Variants in MFSD2B observed in about 807,000 individuals in gnomAD.
The protein encoded by MFSD2B is sphingosine-1-phosphate transporter MFSD2B.
In MFSD2B, 56 loss-of-function variants were observed where a neutral mutation model predicts 58.4. The ratio of observed to expected loss-of-function variants is 0.96; its 90% CI spans 0.77 to 1.20. MFSD2B has a LOEUF of 1.20. MFSD2B is among the 50% of genes most tolerant of loss of function. MFSD2B has a pLI of 0.00. For synonymous variants in MFSD2B, 287 were observed against 294.4 expected, an observed-to-expected ratio of 0.97 and a Z score of 0.26; for missense variants, 645 against 667.6, an observed-to-expected ratio of 0.97 and a Z score of 0.37.
Position 24,023,657 on chromosome 2 carries a change from ACTC to A in MFSD2B, c.1250_1252del (p.Ser417del), listed in dbSNP as rs1662881675. ...GGGCCAGGCCTGGAGACCATCTTCTACTCCTCCTACGTCTTCTTCACCAAGCTG... is the reference window on the plus strand; with the variant it reads ...GGGCCAGGCCTGGAGACCATCTTCTACTCCTACGTCTTCTTCACCAAGCTG... On this transcript the variant is annotated inframe_deletion, in exon 12 of 14. Transcript: ENST00000338315. This position sits in a 1 kb window ranked among gnomAD's most constrained non-coding sequence, Gnocchi z 5.0. 1.2e-6 allele frequency: 2 copies of A among 1,613,600 alleles called. No homozygotes were observed. Among genetic ancestry groups the A allele is most frequent in the Non-Finnish European group, 1.7e-6 (2 of 1,179,772 alleles).
In MFSD2B at chr2:24,024,371, C is replaced by T; in HGVS notation, c.1490+100C>T. The T allele has an allele frequency of 7.9e-7, 1 of 1,261,614 alleles. No individual in the cohort carries two copies. The highest frequency in any genetic ancestry group is 2.5e-5 in the East Asian group (1 of 39,342). The allele number at this position is 1,261,614 out of a possible 1,614,324, so 78.2% of individuals were successfully genotyped here. A position where few individuals can be genotyped will look rare whatever the true frequency, so the allele number is the denominator to read the frequency against. ...AGACATCCCTGCTGTGTCACACAGT[C>T]CTGCCTCTGGGACCTCTTTCCTTAG... On this transcript the variant is annotated intron_variant, in intron 13 of 13. Coordinates refer to ENST00000338315, the MANE Select transcript of MFSD2B (RefSeq NM_001346880.2). The surrounding 1 kb of genome is among the most constrained non-coding windows in gnomAD (Gnocchi z 4.3).
In MFSD2B at chr2:24,017,147, C is replaced by A; in HGVS notation, c.472-139C>A. ...GCTGCCCCCTCCTGCCTTTGGGACC[C>A]TAGCTCCGACTTCAGGTGGCCAGCT... On this transcript the variant is annotated intron_variant, in intron 4 of 13. Transcript: ENST00000338315. This position sits in a 1 kb window ranked among gnomAD's most constrained non-coding sequence, Gnocchi z 4.8. 7.9e-7 allele frequency: 1 copy of A among 1,264,230 alleles called. No homozygotes were observed. The highest frequency in any genetic ancestry group is 1.1e-6 in the Non-Finnish European group (1 of 915,164). 78.3% of individuals were successfully genotyped at this position (1,264,230 alleles called of 1,614,324 possible). A position where few individuals can be genotyped will look rare whatever the true frequency, so the allele number is the denominator to read the frequency against.
In MFSD2B at chr2:24,017,111, G is replaced by T; in HGVS notation, c.471+143G>T. 2 of 1,379,416 alleles carry T rather than the reference G, an allele frequency of 1.4e-6. No individual in the cohort carries two copies. Among genetic ancestry groups the T allele is most frequent in the South Asian group, 2.7e-5 (2 of 75,390 alleles). The allele number at this position is 1,379,416 out of a possible 1,614,324, so 85.4% of individuals were successfully genotyped here. On this transcript the variant is annotated intron_variant, in intron 4 of 13. Coordinates refer to ENST00000338315, the MANE Select transcript of MFSD2B (RefSeq NM_001346880.2). The surrounding 1 kb of genome is among the most constrained non-coding windows in gnomAD (Gnocchi z 4.8). ...CATGCCATTGGCACTCGCCAGCCTTGCGCGGGACTGGCTGCCCCCTCCTGC... is the reference window on the plus strand; with the variant it reads ...CATGCCATTGGCACTCGCCAGCCTTTCGCGGGACTGGCTGCCCCCTCCTGC...
At chr2:24,019,041 G>C (rs1415927764) in intron 6 of MFSD2B, among the ~76,000 whole-genome samples, 1 of 152,020 alleles carries the variant, frequency 6.6e-6, no homozygotes, top group African/African-American at 2.4e-5. Flanking sequence ...AGTAGAGATG[G>C]GGTTTTGCCA....
At position 24,022,735 on chromosome 2, in the gene MFSD2B, G is replaced by A. The variant is rs1662841244; in HGVS notation, c.979-87G>A. On this transcript the variant is annotated intron_variant, in intron 9 of 13. Coordinates refer to ENST00000338315, the MANE Select transcript of MFSD2B (RefSeq NM_001346880.2). This position sits in a 1 kb window ranked among gnomAD's most constrained non-coding sequence, Gnocchi z 4.5. The stretch of plus-strand genomic sequence containing the variant: ...GAACCAGGGGCAAGGCCAAGGTCAG[G>A]CATCCAATCTAAAAGCCAAGGCCTT... The A allele has an allele frequency of 1.9e-6, 2 of 1,049,122 alleles. No homozygotes were observed. Among genetic ancestry groups the A allele is most frequent in the Admixed American group, 5.7e-5 (2 of 35,024 alleles). The allele number at this position is 1,049,122 out of a possible 1,614,324, so 65.0% of individuals were successfully genotyped here.
At position 24,017,529 on chromosome 2, in the gene MFSD2B, A is replaced by G. The variant is rs780608828; in HGVS notation, c.622A>G (p.Arg208Gly). ...CGGGCTCATCGTGTCCGGCGCCCACAGACCCCACAGGTGCGAGGCCACTGC... is the reference window on the plus strand; with the variant it reads ...CGGGCTCATCGTGTCCGGCGCCCACGGACCCCACAGGTGCGAGGCCACTGC... Reference protein sequence around the residue: ...VHGLIVSGAHRPHRCEATATP... With the variant: ...VHGLIVSGAHGPHRCEATATP... Residue 208 changes from arginine to glycine, a missense_variant, in exon 6 of 14, where the codon AGA becomes GGA. Transcript: ENST00000338315. The surrounding 1 kb of genome is among the most constrained non-coding windows in gnomAD (Gnocchi z 4.8). 6.3e-6 allele frequency: 10 copies of G among 1,579,512 alleles called. 1 individual carries two copies. In the African/African-American group the frequency reaches 1.2e-4, roughly 19 times the overall value.
In MFSD2B at chr2:24,021,812, CT is replaced by C; in HGVS notation, c.773-36del. 1 of 1,613,298 alleles carries C rather than the reference CT, an allele frequency of 6.2e-7. No homozygotes were observed. The highest frequency in any genetic ancestry group is 1.1e-5 in the South Asian group (1 of 91,050). ...CTTGGGGGCAGGTTTTGCTTTTGAACTCTGCGAAGCCAAGGTGACACGCTTC... is the reference window on the plus strand; with the variant it reads ...CTTGGGGGCAGGTTTTGCTTTTGAACCTGCGAAGCCAAGGTGACACGCTTC... On this transcript the variant is annotated intron_variant, in intron 7 of 13. Coordinates refer to ENST00000338315, the MANE Select transcript of MFSD2B (RefSeq NM_001346880.2). This position sits in a 1 kb window ranked among gnomAD's most constrained non-coding sequence, Gnocchi z 5.7.
At chr2:24,016,463 T>C (rs1709149302) in intron 3 of MFSD2B, among the ~76,000 whole-genome samples, 183 bp downstream of exon 3, 2 of 152,220 alleles carry the variant, frequency 1.3e-5, no homozygotes, top group South Asian at 2.1e-4. Flanking sequence ...TCTTGGGGAC[T>C]CTCCCTCCCC....
intron 3 of MFSD2B, among the ~76,000 whole-genome samples, 178 bp from the exon 4 acceptor site, chr2:24,016,644 CTCCCACGAGGAGTGGCCGCCCAT>C (rs1295165357): frequency 3.9e-5 from 6 of 152,200 alleles, no homozygotes; most frequent in Non-Finnish European, 8.8e-5. Context: ...GCAGCTGGAG[CTCCCACGAGGAGTGGCCGCCCAT>C]TCCCCACTGC....
At position 24,024,167 on chromosome 2, in the gene MFSD2B, C is replaced by T. The variant is rs766151038; in HGVS notation, c.1386C>T (p.Gly462=). Reference sequence around the variant, plus strand: ...TGGTCACCCTCAAAGTCCTCATTGGCGCCGTGCCCACCTGCATGATCCTTG... The same window carrying T: ...TGGTCACCCTCAAAGTCCTCATTGGTGCCGTGCCCACCTGCATGATCCTTG... ...EVVVTLKVLI[G]AVPTCMILAG... is the part of the protein sequence containing the mutation. The change falls in exon 13 of 14, where the codon GGC becomes GGT. Residue 462 remains glycine, a synonymous_variant. Transcript: ENST00000338315. The surrounding 1 kb of genome is among the most constrained non-coding windows in gnomAD (Gnocchi z 4.3). 2.4e-5 allele frequency: 39 copies of T among 1,613,748 alleles called. No homozygotes were observed. The highest frequency in any genetic ancestry group is 6.7e-5 in the East Asian group (3 of 44,886).
rs1403337336 is a variant in MFSD2B, at chr2:24,023,630, A to G, written c.1217A>G (p.His406Arg). 1 of 1,613,844 alleles carries G rather than the reference A, an allele frequency of 6.2e-7. No individual in the cohort carries two copies. Among genetic ancestry groups the G allele is most frequent in the East Asian group, 2.2e-5 (1 of 44,894 alleles). ...VVDDFQLQHRHGPGLETIFYS... is the reference protein window; with the variant it reads ...VVDDFQLQHRRGPGLETIFYS... Reference sequence around the variant, plus strand: ...GATGACTTTCAGCTGCAGCACCGTCACGGGCCAGGCCTGGAGACCATCTTC... The same window carrying G: ...GATGACTTTCAGCTGCAGCACCGTCGCGGGCCAGGCCTGGAGACCATCTTC... Residue 406 changes from histidine (H) to arginine (R), a missense_variant, in exon 12 of 14, where the codon CAC (histidine) becomes CGC (arginine). Coordinates refer to ENST00000338315, the MANE Select transcript of MFSD2B (RefSeq NM_001346880.2). This position sits in a 1 kb window ranked among gnomAD's most constrained non-coding sequence, Gnocchi z 5.0.
rs1042870465 is a variant in MFSD2B, at chr2:24,022,763, G to A, written c.979-59G>A. 1 of 1,304,016 alleles carries A rather than the reference G, an allele frequency of 7.7e-7. No homozygotes were observed. 80.8% of individuals were successfully genotyped at this position (1,304,016 alleles called of 1,614,324 possible). A position where few individuals can be genotyped will look rare whatever the true frequency, so the allele number is the denominator to read the frequency against. ...TCCAATCTAAAAGCCAAGGCCTTGG[G>A]GTCCCAGGCAAAGGCGCTGGCAGCA... On this transcript the variant is annotated intron_variant, in intron 9 of 13. Coordinates refer to ENST00000338315, the MANE Select transcript of MFSD2B (RefSeq NM_001346880.2). The surrounding 1 kb of genome is among the most constrained non-coding windows in gnomAD (Gnocchi z 4.5).
chr2:24,023,991 C>A lies in MFSD2B; in HGVS notation c.1314-104C>A. 1 of 1,214,716 alleles carries A rather than the reference C, an allele frequency of 8.2e-7. No individual in the cohort carries two copies. The highest frequency in any genetic ancestry group is 1.2e-6 in the Non-Finnish European group (1 of 858,332). 75.2% of individuals were successfully genotyped at this position (1,214,716 alleles called of 1,614,324 possible). On this transcript the variant is annotated intron_variant, in intron 12 of 13. Coordinates refer to ENST00000338315, the MANE Select transcript of MFSD2B (RefSeq NM_001346880.2). The surrounding 1 kb of genome is among the most constrained non-coding windows in gnomAD (Gnocchi z 5.0). ...TCCTGATCTGACCAGGAAATGAAGT[C>A]CACGTTTCAGGAGGGGGTGGGGTGG...
chr2:24,013,984 G>A lies in MFSD2B; in HGVS notation c.222+574G>A, dbSNP rs192056814. Among the ~76,000 whole-genome samples, 83 of 150,398 alleles carry A rather than the reference G, an allele frequency of 5.5e-4. No homozygotes were observed. In the East Asian group the frequency reaches 6.3e-3, roughly 11 times the overall value. Reference sequence around the variant, plus strand: ...AGCCTCCCGAGTAGCTGGGATCACAGGTGCACACCACCACACTCGGCTAAT... The same window carrying A: ...AGCCTCCCGAGTAGCTGGGATCACAAGTGCACACCACCACACTCGGCTAAT... On this transcript the variant is annotated intron_variant, in intron 2 of 13. Coordinates refer to ENST00000338315, the MANE Select transcript of MFSD2B (RefSeq NM_001346880.2).
Position 24,013,300 on chromosome 2 carries a change from C to G in MFSD2B, c.112C>G (p.Arg38Gly), listed in dbSNP as rs534559168. The G allele has an allele frequency of 2.5e-6, 4 of 1,602,978 alleles. No individual in the cohort carries two copies. In the African/African-American group the frequency reaches 5.3e-5, roughly 21 times the overall value. The change falls in exon 2 of 14, where the codon CGC becomes GGC. Residue 38 changes from arginine (R) to glycine (G), a missense_variant. Transcript: ENST00000338315. ...KRGREDSRAG[R>G]LSFCTKVCYG... is the part of the protein sequence containing the mutation. ...TCTCCTCCAGGACAGCAGAGCCGGT[C>G]GCCTCTCATTCTGTACAAAGGTGTG...
chr2:24,022,296 T>C lies in MFSD2B; in HGVS notation c.895-137T>C. ...CTGTGTTGGGGATAAGTGTCCTTTG[T>C]GGGGGAAGGGACTGTATGATGGTAG... is the stretch of plus-strand genomic sequence containing the variant. On this transcript the variant is annotated intron_variant, in intron 8 of 13. Transcript: ENST00000338315. The surrounding 1 kb of genome is among the most constrained non-coding windows in gnomAD (Gnocchi z 4.5). The C allele has an allele frequency of 1.3e-6, 1 of 745,444 alleles. No individual in the cohort carries two copies. Among genetic ancestry groups the C allele is most frequent in the Non-Finnish European group, 2.3e-6 (1 of 429,904 alleles). The allele number at this position is 745,444 out of a possible 1,614,324, so 46.2% of individuals were successfully genotyped here. A position where few individuals can be genotyped will look rare whatever the true frequency, so the allele number is the denominator to read the frequency against.
intron 6 of MFSD2B, chr2:24,018,746 T>C (rs570491838): frequency 4.4e-4 from 74 of 168,076 alleles, no homozygotes; most frequent in African/African-American, 1.7e-3. Context: ...AGTTTGAGCA[T>C]GGGTGGCCCT....
chr2:24,023,483 G>C lies in MFSD2B; in HGVS notation c.1170-100G>C. The C allele has an allele frequency of 1.4e-6, 2 of 1,406,918 alleles. No homozygotes were observed. The highest frequency in any genetic ancestry group is 1.4e-5 in the South Asian group (1 of 74,022). 87.2% of individuals were successfully genotyped at this position (1,406,918 alleles called of 1,614,324 possible). On this transcript the variant is annotated intron_variant, in intron 11 of 13. Transcript: ENST00000338315. The surrounding 1 kb of genome is among the most constrained non-coding windows in gnomAD (Gnocchi z 5.0). Reference sequence around the variant, plus strand: ...GGTGGCCAGTCTGGTCCTGGGCACAGAACTCAGGGATGAATCCACTTTGGC... The same window carrying C: ...GGTGGCCAGTCTGGTCCTGGGCACACAACTCAGGGATGAATCCACTTTGGC...
At position 24,023,591 on chromosome 2, in the gene MFSD2B, T is replaced by C. The variant is rs1460512558; in HGVS notation, c.1178T>C (p.Leu393Pro). The change falls in exon 12 of 14, where the codon CTG becomes CCG. Residue 393 changes from leucine to proline, a missense_variant. By Grantham distance (98) the Leu-to-Pro change is moderately conservative. Coordinates refer to ENST00000338315, the MANE Select transcript of MFSD2B (RefSeq NM_001346880.2). This position sits in a 1 kb window ranked among gnomAD's most constrained non-coding sequence, Gnocchi z 5.0. ...CCACACCCCCGCCGCAGGTCCATGCTGCCAGACGTGGTGGATGACTTTCAG... is the reference window on the plus strand; with the variant it reads ...CCACACCCCCGCCGCAGGTCCATGCCGCCAGACGTGGTGGATGACTTTCAG... ...AVSLLLPWSMLPDVVDDFQLQ... is the reference protein window; with the variant it reads ...AVSLLLPWSMPPDVVDDFQLQ... 1 of 1,613,832 alleles carries C rather than the reference T, an allele frequency of 6.2e-7. No homozygotes were observed. Among genetic ancestry groups the C allele is most frequent in the Non-Finnish European group, 8.5e-7 (1 of 1,179,776 alleles).
Sources: allele counts gnomAD v4.1 joint callset (sites outside exome capture counted in the v4.1 genomes callset), GRCh38; gene constraint gnomAD v4.1.1; non-coding constraint Gnocchi (gnomAD v3.1); transcripts MANE v1.5; gene names NCBI Gene and HGNC (gene_info 2026-07-23, HGNC 2026-07-21).